Variants in GLIS3 observed in about 807,000 individuals in gnomAD.
The protein encoded by GLIS3 is zinc finger protein GLIS3.
In GLIS3, 53 loss-of-function variants were observed where a neutral mutation model predicts 78.6. The ratio of observed to expected loss-of-function variants is 0.67; its 90% CI spans 0.54 to 0.85. GLIS3 has a LOEUF of 0.85. Among genes scored for constraint, GLIS3 ranks in the 40% least tolerant of loss-of-function variants. GLIS3 has a pLI of 0.00. For synonymous variants in GLIS3, 684 were observed against 509.9 expected, an observed-to-expected ratio of 1.34 and a Z score of -4.60; for missense variants, 1,703 against 1,231.1, an observed-to-expected ratio of 1.38 and a Z score of -5.74.
At chr9:4,089,864 A>C (rs187244481) in intron 4 of GLIS3, among the ~76,000 whole-genome samples, 214 of 152,338 alleles carry the variant, frequency 1.4e-3, no homozygotes, top group Middle Eastern at 6.8e-3. Context: ...AGGTGTCTCC[A>C]CTAATTAGAC....
chr9:3,971,098 C>CGAAG, intron 4 of GLIS3, among the ~76,000 whole-genome samples: 1 of 44,914 alleles, frequency 2.2e-5, no homozygotes, highest in South Asian at 3.8e-4. Context: ...AAGGATAGAT[C>CGAAG]GAAGGAAGGA....
At chr9:4,437,462 A>ATCTG in the GLIS3 span, among the ~76,000 whole-genome samples, 2 of 107,694 alleles carry the variant, frequency 1.9e-5, no homozygotes, top group African/African-American at 2.9e-5. Context: ...CTATCTATCT[A>ATCTG]TCTATCTATA....
At chr9:4,068,210 T>A (rs1034624959) in intron 4 of GLIS3, among the ~76,000 whole-genome samples, 2 of 152,144 alleles carry the variant, frequency 1.3e-5, no homozygotes, top group Non-Finnish European at 2.9e-5. Flanking sequence ...ACCGTTTTTA[T>A]TTAAAATGCA....
chr9:4,209,063 T>C (rs13285497), intron 2 of GLIS3, among the ~76,000 whole-genome samples: 25,552 of 152,126 alleles, frequency 0.17, 2,651 homozygotes, highest in African/African-American at 0.29. Context: ...ATAAGATATA[T>C]ATAAAAGTGT....
intron 4 of GLIS3, among the ~76,000 whole-genome samples, chr9:4,050,107 C>G (rs1825608214): frequency 6.6e-6 from 1 of 152,066 alleles, no homozygotes; most frequent in Non-Finnish European, 1.5e-5. Flanking sequence ...GGTATATAAC[C>G]AAAGGTTTAT....
intron 4 of GLIS3, among the ~76,000 whole-genome samples, chr9:3,945,579 A>G (rs976696591): frequency 2.0e-5 from 3 of 152,182 alleles, no homozygotes; most frequent in Non-Finnish European, 4.4e-5. Flanking sequence ...GCTTGCTCCA[A>G]TACCTCCATA....
intron 2 of GLIS3, among the ~76,000 whole-genome samples, chr9:4,252,552 C>G (rs1220288003): frequency 1.3e-5 from 2 of 152,028 alleles, no homozygotes; most frequent in African/African-American, 4.8e-5. Flanking sequence ...GTTAGAACTG[C>G]CCTTTTAGCT....
At chr9:4,237,305 C>T (rs1399384640) in intron 2 of GLIS3, among the ~76,000 whole-genome samples, 1 of 152,008 alleles carries the variant, frequency 6.6e-6, no homozygotes, top group Non-Finnish European at 1.5e-5. Flanking sequence ...GAATATTACA[C>T]AGCCACAAAA....
intron 2 of GLIS3, among the ~76,000 whole-genome samples, chr9:4,344,259 C>T (rs559443958): frequency 3.3e-5 from 5 of 152,166 alleles, no homozygotes; most frequent in African/African-American, 9.7e-5. Flanking sequence ...CCCCCACTAC[C>T]ATTTCATTGA....
chr9:3,978,928 C>G lies in GLIS3; in HGVS notation c.1711-41739G>C, dbSNP rs560013217. Among the ~76,000 whole-genome samples, 4 of 152,108 alleles carry G rather than the reference C, an allele frequency of 2.6e-5. No homozygotes were observed. The South Asian group carries it at 8.3e-4, about 32-fold the overall frequency. On this transcript the variant is annotated intron_variant, in intron 4 of 10. Transcript: ENST00000381971. ...ACAAATAAAAAATACAGTATAACAA[C>G]TATTTACATTACATTAGGTATTATA...
At chr9:4,277,649 G>A (rs1485745168) in intron 2 of GLIS3, among the ~76,000 whole-genome samples, 1 of 152,158 alleles carries the variant, frequency 6.6e-6, no homozygotes, top group East Asian at 1.9e-4. Flanking sequence ...GGACAGCAGA[G>A]CCCAGCAAGA....
intron 4 of GLIS3, among the ~76,000 whole-genome samples, chr9:3,984,777 CCA>C (rs781498344): frequency 1.3e-5 from 2 of 152,072 alleles, no homozygotes; most frequent in African/African-American, 2.4e-5. Flanking sequence ...CCCATAATTC[CCA>C]CATGTTTCAG....
chr9:4,063,455 C>T (rs753192253), intron 4 of GLIS3, among the ~76,000 whole-genome samples: 1 of 151,832 alleles, frequency 6.6e-6, no homozygotes, highest in Non-Finnish European at 1.5e-5. Flanking sequence ...TCTGAAAAAT[C>T]TATTCATGTA....
At chr9:4,048,349 G>A (rs1356202779) in intron 4 of GLIS3, among the ~76,000 whole-genome samples, 1 of 152,162 alleles carries the variant, frequency 6.6e-6, no homozygotes, top group African/African-American at 2.4e-5. Flanking sequence ...TTCACACACT[G>A]TAAGGGATCC....
chr9:4,286,809 G>A (rs1233660274), intron 1 of GLIS3, among the ~76,000 whole-genome samples: 1 of 152,136 alleles, frequency 6.6e-6, no homozygotes, highest in East Asian at 1.9e-4. Flanking sequence ...GTGCCAGCTT[G>A]CAAAACAAAA....
chr9:4,254,839 C>CAAAAAAAAAAAAA (rs751442404), intron 2 of GLIS3, among the ~76,000 whole-genome samples: 1 of 70,036 alleles, frequency 1.4e-5, no homozygotes, highest in Non-Finnish European at 2.9e-5. Context: ...GACTACGTCT[C>CAAAAAAAAAAAAA]AAAAAAAAAA....
At chr9:4,040,529 G>A (rs1249074649) in intron 4 of GLIS3, among the ~76,000 whole-genome samples, 3 of 152,132 alleles carry the variant, frequency 2.0e-5, no homozygotes, top group Admixed American at 6.5e-5. Context: ...CCAGATTTTA[G>A]GTCTTTTCCT....
At chr9:4,245,409 G>C (rs1823714721) in intron 2 of GLIS3, among the ~76,000 whole-genome samples, 1 of 152,160 alleles carries the variant, frequency 6.6e-6, no homozygotes. Flanking sequence ...TCAATTATAA[G>C]CAATTTTCAG....
chr9:3,897,869 A>C (rs1209895365), intron 7 of GLIS3, among the ~76,000 whole-genome samples: 1 of 152,226 alleles, frequency 6.6e-6, no homozygotes, highest in African/African-American at 2.4e-5. Flanking sequence ...CTCTGGAATC[A>C]GATGGGGGTG....
Sources: allele counts gnomAD v4.1 joint callset (sites outside exome capture counted in the v4.1 genomes callset), GRCh38; gene constraint gnomAD v4.1.1; transcripts MANE v1.5; gene names NCBI Gene and HGNC (gene_info 2026-07-23, HGNC 2026-07-21).